Variants in ADCK1 observed in about 807,000 individuals in gnomAD.
ADCK1 encodes aarF domain-containing protein kinase 1.
ADCK1 carries 41 observed loss-of-function variants against 52.3 expected under a neutral mutation model. The ratio of observed to expected loss-of-function variants is 0.78; its 90% CI spans 0.61 to 1.02. The LOEUF (loss-of-function observed/expected upper bound fraction) is 1.02, where lower values mean the gene tolerates loss of function less well. Ranked by LOEUF, ADCK1 falls within the 50% of genes least tolerant of loss-of-function variation. ADCK1 has a pLI of 0.00. For missense variants in ADCK1, 658 were observed against 679.5 expected, an observed-to-expected ratio of 0.97 and a Z score of 0.35; for synonymous variants, 250 against 274.6, an observed-to-expected ratio of 0.91 and a Z score of 0.89.
chr14:77,882,411 C>T (rs1005261633), intron 4 of ADCK1, among the ~76,000 whole-genome samples: 4 of 152,236 alleles, frequency 2.6e-5, no homozygotes, highest in African/African-American at 4.8e-5. Flanking sequence ...GGCAGGCTTC[C>T]GTCTGCATCT....
In ADCK1 at chr14:77,899,144, TATGTG is replaced by T; in HGVS notation, c.628_632del (p.Met210AlafsTer4). 1 of 1,614,170 alleles carries T rather than the reference TATGTG, an allele frequency of 6.2e-7. No individual in the cohort carries two copies. The highest frequency in any genetic ancestry group is 1.7e-4 in the Middle Eastern group (1 of 6,042). Reference sequence around the variant, plus strand: ...AGCAGCTGTTCCCAGAGTTTGAGTTTATGTGGCTTGTGGATGAAGCCAAGAAGAAC... The same window carrying T: ...AGCAGCTGTTCCCAGAGTTTGAGTTTGCTTGTGGATGAAGCCAAGAAGAAC... On this transcript the variant is annotated frameshift_variant, in exon 6 of 11. Coordinates refer to ENST00000238561, the MANE Select transcript of ADCK1 (RefSeq NM_020421.4). LOFTEE classifies it high-confidence loss of function.
At chr14:77,843,976 A>G (rs931761892) in intron 3 of ADCK1, among the ~76,000 whole-genome samples, 8 of 152,246 alleles carry the variant, frequency 5.3e-5, no homozygotes, top group Non-Finnish European at 1.2e-4. Flanking sequence ...GTCCCATTTC[A>G]TAGAAATCTG....
At position 77,907,838 on chromosome 14, in the gene ADCK1, G is replaced by C. The variant is rs1473575420; in HGVS notation, c.777G>C (p.Arg259=). Residue 259 remains arginine (R), a synonymous_variant, in exon 7 of 11, where the codon CGG becomes CGC. Transcript: ENST00000238561. The part of the protein sequence containing the change: ...PRIHWDLSTE[R]VLLMEFVDGG... ...TCCACTGGGACCTGTCCACGGAGCGGGTCCTCCTGATGGAGTTTGTGGATG... is the reference window on the plus strand; with the variant it reads ...TCCACTGGGACCTGTCCACGGAGCGCGTCCTCCTGATGGAGTTTGTGGATG... 1.2e-6 allele frequency: 2 copies of C among 1,614,086 alleles called. No individual in the cohort carries two copies. The highest frequency in any genetic ancestry group is 2.2e-5 in the South Asian group (2 of 91,080).
chr14:77,912,276 A>G (rs1454620701), intron 7 of ADCK1, among the ~76,000 whole-genome samples: 2 of 152,170 alleles, frequency 1.3e-5, no homozygotes, highest in Non-Finnish European at 2.9e-5. Flanking sequence ...AGAAACCCCC[A>G]CAGTGGGCTA....
chr14:77,896,400 A>G (rs1234746606), intron 5 of ADCK1, among the ~76,000 whole-genome samples: 1 of 152,252 alleles, frequency 6.6e-6, no homozygotes, highest in Non-Finnish European at 1.5e-5. Context: ...TATTGATTGG[A>G]CAAATGAGAG....
chr14:77,930,343 G>A (rs546166363), intron 9 of ADCK1, among the ~76,000 whole-genome samples: 8 of 152,148 alleles, frequency 5.3e-5, no homozygotes, highest in Admixed American at 4.6e-4. Context: ...GGAGAGGAGT[G>A]GGGTGGTAAA....
chr14:77,912,475 T>A (rs1034947245), intron 7 of ADCK1, among the ~76,000 whole-genome samples: 1 of 141,696 alleles, frequency 7.1e-6, no homozygotes, highest in Non-Finnish European at 1.5e-5. Context: ...TGTGTGTGTG[T>A]GTAATGAAAG....
chr14:77,875,166 G>A (rs533497636), intron 4 of ADCK1, among the ~76,000 whole-genome samples: 1 of 152,246 alleles, frequency 6.6e-6, no homozygotes, highest in South Asian at 2.1e-4. Flanking sequence ...TTGGACATAG[G>A]GAAGTGGAGA....
chr14:77,909,378 G>A (rs140186522), intron 7 of ADCK1, among the ~76,000 whole-genome samples: 46 of 152,126 alleles, frequency 3.0e-4, no homozygotes, highest in African/African-American at 1.0e-3. Flanking sequence ...CGGGTGATCC[G>A]CCTGCCTCGA....
At chr14:77,899,524 T>C (rs1433808359) in intron 6 of ADCK1, among the ~76,000 whole-genome samples, 1 of 152,252 alleles carries the variant, frequency 6.6e-6, no homozygotes, top group Non-Finnish European at 1.5e-5. Flanking sequence ...CACTGAGCCT[T>C]AGCCAAGAAC....
At chr14:77,911,065 C>A (rs1470756982) in intron 7 of ADCK1, among the ~76,000 whole-genome samples, 1 of 152,154 alleles carries the variant, frequency 6.6e-6, no homozygotes, top group Non-Finnish European at 1.5e-5. Context: ...AAAACAATAA[C>A]TAATAATAAT....
intron 7 of ADCK1, among the ~76,000 whole-genome samples, chr14:77,911,376 A>G (rs1031152877): frequency 1.3e-5 from 2 of 152,132 alleles, no homozygotes; most frequent in Non-Finnish European, 2.9e-5. Context: ...AAAAACCACA[A>G]TTCTTTTTGC....
At chr14:77,926,586 T>C (rs1296937866) in intron 9 of ADCK1, among the ~76,000 whole-genome samples, 1 of 152,220 alleles carries the variant, frequency 6.6e-6, no homozygotes, top group African/African-American at 2.4e-5. Context: ...GTTCAAGCGA[T>C]TCTCCTGTCT....
In ADCK1 at chr14:77,871,962, C is replaced by A. The variant is rs1361870564; in HGVS notation, c.423+12683C>A. Among the ~76,000 whole-genome samples, 3 of 152,240 alleles carry A rather than the reference C, an allele frequency of 2.0e-5. No individual in the cohort carries two copies. In the East Asian group the frequency reaches 5.8e-4, roughly 29 times the overall value. Reference sequence around the variant, plus strand: ...CAGAACCCAGGCTTTCTAACCCCAGCATTCCATGGCTCTTTGCAAAGGGTC... The same window carrying A: ...CAGAACCCAGGCTTTCTAACCCCAGAATTCCATGGCTCTTTGCAAAGGGTC... On this transcript the variant is annotated intron_variant, in intron 4 of 10. Transcript: ENST00000238561.
intron 1 of ADCK1, among the ~76,000 whole-genome samples, chr14:77,817,787 G>C (rs375445360): frequency 1.3e-5 from 2 of 151,646 alleles, no homozygotes; most frequent in Non-Finnish European, 2.9e-5. Context: ...CCAGGCTGGA[G>C]TGCAGTGGCG....
At chr14:77,815,215 T>C (rs1232356170) in intron 1 of ADCK1, among the ~76,000 whole-genome samples, 1 of 150,950 alleles carries the variant, frequency 6.6e-6, no homozygotes, top group African/African-American at 2.4e-5. Flanking sequence ...TTTTTTTTTT[T>C]TTCTTTAAAA....
At chr14:77,838,268 A>G (rs180793509) in intron 3 of ADCK1, among the ~76,000 whole-genome samples, 1 of 152,370 alleles carries the variant, frequency 6.6e-6, no homozygotes, top group Non-Finnish European at 1.5e-5. Flanking sequence ...TCACTTAAAT[A>G]TACAAATAAA....
chr14:77,904,955 AC>A (rs769188423), intron 6 of ADCK1, among the ~76,000 whole-genome samples: 7 of 151,782 alleles, frequency 4.6e-5, no homozygotes, highest in African/African-American at 1.2e-4. Flanking sequence ...TTCACCCCAC[AC>A]CCCCAGGTCC....
At chr14:77,838,456 G>A (rs1394275905) in intron 3 of ADCK1, among the ~76,000 whole-genome samples, 1 of 152,240 alleles carries the variant, frequency 6.6e-6, no homozygotes, top group Admixed American at 6.5e-5. Flanking sequence ...GAGTGCAGTG[G>A]TGCAATCATG....
Sources: allele counts gnomAD v4.1 joint callset (sites outside exome capture counted in the v4.1 genomes callset), GRCh38; gene constraint gnomAD v4.1.1; transcripts MANE v1.5; gene names NCBI Gene and HGNC (gene_info 2026-07-23, HGNC 2026-07-21).